PAPOLB: variants seen among roughly 807,000 people sequenced by gnomAD.
PAPOLB encodes the protein poly(A) polymerase beta.
Under a neutral mutation model 23.2 loss-of-function variants are expected in PAPOLB, and 19 were observed. That is an observed-to-expected ratio of 0.82 (90% CI 0.57 to 1.20). PAPOLB has a LOEUF of 1.20. Among genes scored for constraint, PAPOLB ranks in the 50% most tolerant of loss-of-function variants. PAPOLB has a pLI of 0.00. For synonymous variants in PAPOLB, 360 were observed against 290.7 expected, an observed-to-expected ratio of 1.24 and a Z score of -2.43; for missense variants, 822 against 776.8, an observed-to-expected ratio of 1.06 and a Z score of -0.69.
chr7:4,860,218 T>C lies in PAPOLB; in HGVS notation c.1593A>G (p.Glu531=). The C allele has an allele frequency of 6.2e-7, 1 of 1,614,044 alleles. No homozygotes were observed. Among genetic ancestry groups the C allele is most frequent in the Non-Finnish European group, 8.5e-7 (1 of 1,179,892 alleles). ...DSSFDLSAGC[E]NSMSVPSSTS... ...TAGATGAAGGCACAGACATGCTGTT[T>C]TCACAGCCTGCAGACAAGTCAAAGC... Residue 531 remains glutamate (E), a synonymous_variant, in exon 1 of 1, where the codon GAA becomes GAG. Transcript: ENST00000404991.
Position 4,859,911 on chromosome 7 carries a change from AT to A in PAPOLB, c.1899del (p.Tyr634IlefsTer2). Reference sequence around the variant, plus strand: ...CTAGACTCCAACTATAGGATTAGATATGTTTGTTGCTGAGTTTCCTGAAGGT... The same window carrying A: ...CTAGACTCCAACTATAGGATTAGATAGTTTGTTGCTGAGTTTCCTGAAGGT... ...HPDLQETQQQTYLIL is the reference protein window; with the variant it reads ...HPDLQETQQQXYLIL On this transcript the variant is annotated frameshift_variant, in exon 1 of 1. Coordinates refer to ENST00000404991, the MANE Select transcript of PAPOLB (RefSeq NM_020144.5). 6.2e-7 allele frequency: 1 copy of A among 1,608,000 alleles called. No homozygotes were observed.
In PAPOLB at chr7:4,860,905, G is replaced by T. The variant is rs1783973321; in HGVS notation, c.906C>A (p.Asp302Glu). The change falls in exon 1 of 1, where the codon GAC becomes GAA. Residue 302 changes from aspartate (D) to glutamate (E), a missense_variant. Transcript: ENST00000404991. Reference protein sequence around the residue: ...EERNLNLPVWDPRVNPSDRYH... With the variant: ...EERNLNLPVWEPRVNPSDRYH... ...ACCTATCACTGGGATTTACTCTTGG[G>T]TCCCATACAGGCAAATTAAGATTCC... The T allele has an allele frequency of 1.9e-6, 3 of 1,614,170 alleles. No homozygotes were observed. In the South Asian group the frequency reaches 3.3e-5, roughly 18 times the overall value.
chr7:4,860,034 T>C lies in PAPOLB; in HGVS notation c.1777A>G (p.Ser593Gly). Reference protein sequence around the residue: ...NESSGVALNESIPHAVSQPAI... With the variant: ...NESSGVALNEGIPHAVSQPAI... The stretch of plus-strand genomic sequence containing the variant: ...GGCTGAGAGACAGCGTGAGGAATAC[T>C]TTCGTTTAATGCAACCCCTGAACTT... Residue 593 changes from serine to glycine, a missense_variant, in exon 1 of 1, where the codon AGT becomes GGT. Physicochemically the swap from Ser to Gly is moderately conservative, Grantham distance 56. Around this residue, in one of 3 missense-constraint regions of PAPOLB, gnomAD observed 534 missense variants for 502.8 expected, o/e 1.06. Coordinates refer to ENST00000404991, the MANE Select transcript of PAPOLB (RefSeq NM_020144.5). The C allele has an allele frequency of 1.9e-6, 3 of 1,614,046 alleles. No homozygotes were observed. Among genetic ancestry groups the C allele is most frequent in the Non-Finnish European group, 1.7e-6 (2 of 1,179,880 alleles).
chr7:4,860,744 T>C lies in PAPOLB; in HGVS notation c.1067A>G (p.Lys356Arg), dbSNP rs777396602. The stretch of plus-strand genomic sequence containing the variant: ...TTCAAAGAGTTTGGACCACTCTGCC[T>C]TACTTAGCAAAATCTCGTGTGTGAT... ...LAITHEILLS[K>R]AEWSKLFEAP... Residue 356 changes from lysine to arginine, a missense_variant, in exon 1 of 1, where the codon AAG becomes AGG. Lys to Arg is a conservative substitution (Grantham distance 26). Around this residue, in one of 3 missense-constraint regions of PAPOLB, gnomAD observed 534 missense variants for 502.8 expected, o/e 1.06. Coordinates refer to ENST00000404991, the MANE Select transcript of PAPOLB (RefSeq NM_020144.5). The C allele has an allele frequency of 8.1e-6, 13 of 1,614,054 alleles. No individual in the cohort carries two copies. Among genetic ancestry groups the C allele is most frequent in the Non-Finnish European group, 1.1e-5 (13 of 1,180,000 alleles).
chr7:4,861,161 T>C lies in PAPOLB; in HGVS notation c.650A>G (p.Asn217Ser). Reference sequence around the variant, plus strand: ...CAGAGTCAGCCTGAAGTTGTCAATGTTTGGCACTAGATGTAAAATTTCATC... The same window carrying C: ...CAGAGTCAGCCTGAAGTTGTCAATGCTTGGCACTAGATGTAAAATTTCATC... Reference protein sequence around the residue: ...VTDEILHLVPNIDNFRLTLRA... With the variant: ...VTDEILHLVPSIDNFRLTLRA... Residue 217 changes from asparagine to serine, a missense_variant, in exon 1 of 1, where the codon AAC becomes AGC. By Grantham distance (46) the Asn-to-Ser change is conservative (BLOSUM62 1). This residue lies in a region of PAPOLB where 534 missense variants were observed against 502.8 expected (regional missense o/e 1.06). Coordinates refer to ENST00000404991, the MANE Select transcript of PAPOLB (RefSeq NM_020144.5). 6.2e-7 allele frequency: 1 copy of C among 1,614,254 alleles called. No individual in the cohort carries two copies. The highest frequency in any genetic ancestry group is 8.5e-7 in the Non-Finnish European group (1 of 1,180,044).
rs1562454114 is a variant in PAPOLB, at chr7:4,860,640, A to T, written c.1171T>A (p.Trp391Arg). Residue 391 changes from tryptophan to arginine, a missense_variant, in exon 1 of 1, where the codon TGG (tryptophan) becomes AGG (arginine). Trp to Arg is a moderately radical substitution (Grantham distance 101). Coordinates refer to ENST00000404991, the MANE Select transcript of PAPOLB (RefSeq NM_020144.5). ...SASTEKQHLE[W>R]VGLVESKIRI... ...ATCTTTGATTCCACCAAGCCCACCC[A>T]TTCTAAATGTTGTTTTTCTGTTGAT... 2 of 1,614,112 alleles carry T rather than the reference A, an allele frequency of 1.2e-6. No individual in the cohort carries two copies. The highest frequency in any genetic ancestry group is 1.7e-6 in the Non-Finnish European group (2 of 1,179,974).
chr7:4,861,217 G>A lies in PAPOLB; in HGVS notation c.594C>T (p.Cys198=), dbSNP rs1562454603. The stretch of plus-strand genomic sequence containing the variant: ...CCCGGCAACCATTAAGGCTTCTTAT[G>A]CATCTAATGTCTAAATTTTTAAGTA... ...DSLLKNLDIR[C]IRSLNGCRVT... is the part of the protein sequence containing the mutation. The change falls in exon 1 of 1, where the codon TGC becomes TGT. Residue 198 remains cysteine (C), a synonymous_variant. Transcript: ENST00000404991. 6.2e-7 allele frequency: 1 copy of A among 1,614,090 alleles called. No homozygotes were observed. Among genetic ancestry groups the A allele is most frequent in the South Asian group, 1.1e-5 (1 of 91,080 alleles).
chr7:4,861,876 T>A lies in PAPOLB; in HGVS notation c.-66A>T. ...GCGACCTTCGCGGCCGCCGCCCGGG[T>A]CATGATCCGCTGAGGCGGAAGGGCA... is the stretch of plus-strand genomic sequence containing the variant. On this transcript the variant is annotated 5_prime_UTR_variant, in exon 1 of 1. Transcript: ENST00000404991. The A allele has an allele frequency of 1.8e-4, 94 of 536,680 alleles. No individual in the cohort carries two copies. Among genetic ancestry groups the A allele is most frequent in the Non-Finnish European group, 2.1e-4 (84 of 408,266 alleles). 33.2% of individuals were successfully genotyped at this position (536,680 alleles called of 1,614,324 possible).
Position 4,860,677 on chromosome 7 carries a change from A to T in PAPOLB, c.1134T>A (p.Leu378=). The T allele has an allele frequency of 6.2e-7, 1 of 1,614,202 alleles. No individual in the cohort carries two copies. The highest frequency in any genetic ancestry group is 1.3e-5 in the African/African-American group (1 of 75,060). The change falls in exon 1 of 1, where the codon CTT becomes CTA. Residue 378 remains leucine, a synonymous_variant. Transcript: ENST00000404991. ...GTTTTTCTGTTGATGCACTTGCCAG[A>T]AGTACAATATAATGCTTGTACTTTT... is the stretch of plus-strand genomic sequence containing the variant. ...FFQKYKHYIV[L]LASASTEKQH...
chr7:4,861,004 A>G lies in PAPOLB; in HGVS notation c.807T>C (p.Leu269=). 1 of 1,614,218 alleles carries G rather than the reference A, an allele frequency of 6.2e-7. No individual in the cohort carries two copies. The highest frequency in any genetic ancestry group is 8.5e-7 in the Non-Finnish European group (1 of 1,180,032). The change falls in exon 1 of 1, where the codon CTT becomes CTC. Residue 269 remains leucine, a synonymous_variant. Coordinates refer to ENST00000404991, the MANE Select transcript of PAPOLB (RefSeq NM_020144.5). ...QLYPNAVAST[L]VRKFFLVFSE... is the part of the protein sequence containing the mutation. ...AAAATACCAAGAAGAATTTCCGTAC[A>G]AGAGTTGACGCTACTGCATTTGGAT...
In PAPOLB at chr7:4,861,858, T is replaced by TCACGTCCCCCACCACCGCGACCTA; in HGVS notation, c.-49_-48insTAGGTCGCGGTGGTGGGGGACGTG. 3 of 1,291,340 alleles carry TCACGTCCCCCACCACCGCGACCTA rather than the reference T, an allele frequency of 2.3e-6. No individual in the cohort carries two copies. The highest frequency in any genetic ancestry group is 2.0e-5 in the South Asian group (1 of 49,804). 80.0% of individuals were successfully genotyped at this position (1,291,340 alleles called of 1,614,324 possible). A position where few individuals can be genotyped will look rare whatever the true frequency, so the allele number is the denominator to read the frequency against. On this transcript the variant is annotated 5_prime_UTR_variant, in exon 1 of 1. It introduces an in-frame stop codon into an upstream open reading frame of the 5' UTR. Coordinates refer to ENST00000404991, the MANE Select transcript of PAPOLB (RefSeq NM_020144.5). Reference sequence around the variant, plus strand: ...GGCACGTCCCCCACCACCGCGACCTTCGCGGCCGCCGCCCGGGTCATGATC... The same window carrying TCACGTCCCCCACCACCGCGACCTA: ...GGCACGTCCCCCACCACCGCGACCTTCACGTCCCCCACCACCGCGACCTACGCGGCCGCCGCCCGGGTCATGATC...
In PAPOLB at chr7:4,861,511, CGT is replaced by C; in HGVS notation, c.298_299del (p.Thr100ValfsTer16). The part of the protein sequence containing the change: ...VIENVGGKIF[T>X]FGSYRLGVHT... Reference sequence around the variant, plus strand: ...GTACTCCTAATCTGTAAGAGCCAAACGTAAAAATCTTTCCTCCAACGTTTTCA... The same window carrying C: ...GTACTCCTAATCTGTAAGAGCCAAACAAAAATCTTTCCTCCAACGTTTTCA... On this transcript the variant is annotated frameshift_variant, in exon 1 of 1. Coordinates refer to ENST00000404991, the MANE Select transcript of PAPOLB (RefSeq NM_020144.5). LOFTEE classifies it high-confidence loss of function. The C allele has an allele frequency of 6.2e-7, 1 of 1,614,030 alleles. No homozygotes were observed. Among genetic ancestry groups the C allele is most frequent in the Non-Finnish European group, 8.5e-7 (1 of 1,179,888 alleles).
chr7:4,860,192 G>T lies in PAPOLB; in HGVS notation c.1619C>A (p.Thr540Asn). 1 of 1,614,032 alleles carries T rather than the reference G, an allele frequency of 6.2e-7. No homozygotes were observed. The highest frequency in any genetic ancestry group is 8.5e-7 in the Non-Finnish European group (1 of 1,179,886). ...CAATGGGCCTGTCTTCATAGTGCTAGTAGATGAAGGCACAGACATGCTGTT... is the reference window on the plus strand; with the variant it reads ...CAATGGGCCTGTCTTCATAGTGCTATTAGATGAAGGCACAGACATGCTGTT... ...CENSMSVPSS[T>N]STMKTGPLIS... The change falls in exon 1 of 1, where the codon ACT becomes AAT. Residue 540 changes from threonine (T) to asparagine (N), a missense_variant. By Grantham distance (65) the Thr-to-Asn change is moderately conservative. This residue lies in a region of PAPOLB where 534 missense variants were observed against 502.8 expected (regional missense o/e 1.06). Coordinates refer to ENST00000404991, the MANE Select transcript of PAPOLB (RefSeq NM_020144.5).
rs1238421312 is a variant in PAPOLB, at chr7:4,860,117, G to A, written c.1694C>T (p.Ala565Val). The A allele has an allele frequency of 3.7e-6, 6 of 1,613,890 alleles. No individual in the cohort carries two copies. In the Admixed American group the frequency reaches 8.3e-5, roughly 22 times the overall value. The stretch of plus-strand genomic sequence containing the variant: ...AGTAGCCTGTATGTTAGCCACAGAT[G>A]CTGTCATTACAGCCAAGGCAGGACT... ...RNSPALAVMT[A>V]SVANIQATEF... The change falls in exon 1 of 1, where the codon GCA (alanine) becomes GTA (valine). Residue 565 changes from alanine to valine, a missense_variant. Coordinates refer to ENST00000404991, the MANE Select transcript of PAPOLB (RefSeq NM_020144.5).
Position 4,861,837 on chromosome 7 carries a change from C to CGTCCCCCACCACCGCGACCTTCAA in PAPOLB, c.-28_-27insTTGAAGGTCGCGGTGGTGGGGGAC. 1 of 1,400,584 alleles carries CGTCCCCCACCACCGCGACCTTCAA rather than the reference C, an allele frequency of 7.1e-7. No individual in the cohort carries two copies. Among genetic ancestry groups the CGTCCCCCACCACCGCGACCTTCAA allele is most frequent in the Non-Finnish European group, 9.3e-7 (1 of 1,074,572 alleles). 86.8% of individuals were successfully genotyped at this position (1,400,584 alleles called of 1,614,324 possible). ...TTTCAGCGCCCGCCCCGCCAGGGCACGTCCCCCACCACCGCGACCTTCGCG... is the reference window on the plus strand; with the variant it reads ...TTTCAGCGCCCGCCCCGCCAGGGCACGTCCCCCACCACCGCGACCTTCAAGTCCCCCACCACCGCGACCTTCGCG... On this transcript the variant is annotated 5_prime_UTR_variant, in exon 1 of 1. Transcript: ENST00000404991.
chr7:4,861,889 A>C lies in PAPOLB; in HGVS notation c.-79T>G. ...CCGCCGCCCGGGTCATGATCCGCTG[A>C]GGCGGAAGGGCAGGGCTTCTAGCTG... is the stretch of plus-strand genomic sequence containing the variant. On this transcript the variant is annotated 5_prime_UTR_variant, in exon 1 of 1. Transcript: ENST00000404991. 1.7e-6 allele frequency: 1 copy of C among 580,386 alleles called. No homozygotes were observed. The highest frequency in any genetic ancestry group is 5.2e-5 in the East Asian group (1 of 19,390). The allele number at this position is 580,386 out of a possible 1,614,324, so 36.0% of individuals were successfully genotyped here. A position where few individuals can be genotyped will look rare whatever the true frequency, so the allele number is the denominator to read the frequency against.
Position 4,858,416 on chromosome 7 carries a change from GA to G in PAPOLB, c.*1480del, listed in dbSNP as rs1268122018. 4 of 152,348 alleles carry G rather than the reference GA, an allele frequency of 2.6e-5. No individual in the cohort carries two copies. Among genetic ancestry groups the G allele is most frequent in the East Asian group, 1.9e-4 (1 of 5,196 alleles). The allele number at this position is 152,348 out of a possible 1,614,324, so 9.4% of individuals were successfully genotyped here. A position where few individuals can be genotyped will look rare whatever the true frequency, so the allele number is the denominator to read the frequency against. On this transcript the variant is annotated 3_prime_UTR_variant, in exon 1 of 1. Transcript: ENST00000404991. ...TAGATGCTCTACTGCTTAATTATGAGATTTTTTTTAACTTAAAGTATTGCTG... is the reference window on the plus strand; with the variant it reads ...TAGATGCTCTACTGCTTAATTATGAGTTTTTTTTAACTTAAAGTATTGCTG...
chr7:4,860,684 A>C lies in PAPOLB; in HGVS notation c.1127T>G (p.Ile376Ser). The C allele has an allele frequency of 1.2e-6, 2 of 1,614,222 alleles. No individual in the cohort carries two copies. The highest frequency in any genetic ancestry group is 1.7e-6 in the Non-Finnish European group (2 of 1,180,034). The change falls in exon 1 of 1, where the codon ATT becomes AGT. Residue 376 changes from isoleucine (I) to serine (S), a missense_variant. Ile to Ser is a moderately radical substitution (Grantham distance 142). This residue lies in a region of PAPOLB where 534 missense variants were observed against 502.8 expected (regional missense o/e 1.06). Transcript: ENST00000404991. ...TGTTGATGCACTTGCCAGAAGTACA[A>C]TATAATGCTTGTACTTTTGAAAGAA... The part of the protein sequence containing the change: ...PSFFQKYKHY[I>S]VLLASASTEK...
Position 4,861,557 on chromosome 7 carries a change from C to G in PAPOLB, c.254G>C (p.Ser85Thr). 1.2e-6 allele frequency: 2 copies of G among 1,613,996 alleles called. No individual in the cohort carries two copies. Among genetic ancestry groups the G allele is most frequent in the Non-Finnish European group, 1.7e-6 (2 of 1,179,888 alleles). ...GTTTTCAATTACAGACTGGGGAAGA[C>G]TCTTGCTTTCACTGATTTCGCGTAT... ...EWIREISESKSLPQSVIENVG... is the reference protein window; with the variant it reads ...EWIREISESKTLPQSVIENVG... The change falls in exon 1 of 1, where the codon AGT (serine) becomes ACT (threonine). Residue 85 changes from serine (S) to threonine (T), a missense_variant. Physicochemically the swap from Ser to Thr is moderately conservative, Grantham distance 58 (BLOSUM62 1). This residue lies in a region of PAPOLB where 276 missense variants were observed against 243.9 expected (regional missense o/e 1.13). Coordinates refer to ENST00000404991, the MANE Select transcript of PAPOLB (RefSeq NM_020144.5).
Sources: gnomAD v4.1 joint callset for allele counts on GRCh38, gnomAD v4.1.1 for gene constraint, gnomAD v4.1.1 regional missense constraint, MANE v1.5 for transcripts, NCBI Gene and HGNC (gene_info 2026-07-23, HGNC 2026-07-21) for gene names.